Variants in SETBP1 observed in about 807,000 individuals in gnomAD.
The protein encoded by SETBP1 is SET-binding protein.
Under a neutral mutation model 101.0 loss-of-function variants are expected in SETBP1, and 9 were observed. The observed-to-expected ratio is 0.09, with a 90% CI of 0.05 to 0.16. The LOEUF is 0.16. SETBP1 is among the 10% of genes least tolerant of loss of function. The probability of loss-of-function intolerance (pLI) is 1.00; values close to 1 mark genes in which losing one functional copy is unlikely to be tolerated. For synonymous variants in SETBP1, 818 were observed against 788.5 expected (o/e 1.04, Z -0.63); for missense variants, 1,858 against 2,033.8 (o/e 0.91, Z 1.66).
At chr18:44,715,646 T>C (rs1031550850) in intron 2 of SETBP1, among the ~76,000 whole-genome samples, 2 of 152,260 alleles carry the variant, frequency 1.3e-5, no homozygotes, top group Admixed American at 1.3e-4. Flanking sequence ...TCTGAGCCAA[T>C]GGCTATAAAA....
At chr18:44,693,065 C>T (rs1325836058) in intron 1 of SETBP1, among the ~76,000 whole-genome samples, 3 of 149,098 alleles carry the variant, frequency 2.0e-5, no homozygotes, top group African/African-American at 7.4e-5. Flanking sequence ...GTAGAGCTGC[C>T]CTTGCTCTTG....
chr18:44,752,351 C>A (rs1398535690), intron 2 of SETBP1, among the ~76,000 whole-genome samples: 9 of 152,128 alleles, frequency 5.9e-5, no homozygotes, highest in South Asian at 2.1e-4. Flanking sequence ...ACCTAGATAG[C>A]TGTCTGTGGG....
chr18:44,726,799 G>A (rs1445330634), intron 2 of SETBP1, among the ~76,000 whole-genome samples: 3 of 152,148 alleles, frequency 2.0e-5, no homozygotes, highest in Non-Finnish European at 4.4e-5. Context: ...ATTTGTTTTT[G>A]TAATAATACG....
At chr18:44,755,180 A>C (rs1457239855) in intron 2 of SETBP1, among the ~76,000 whole-genome samples, 3 of 152,232 alleles carry the variant, frequency 2.0e-5, no homozygotes, top group Non-Finnish European at 2.9e-5. Context: ...TGTTAGATTA[A>C]AAAATGAGAA....
intron 4 of SETBP1, among the ~76,000 whole-genome samples, chr18:45,035,332 G>A (rs1326143503): frequency 2.0e-5 from 3 of 152,254 alleles, no homozygotes; most frequent in African/African-American, 7.2e-5. Context: ...GTGGTAACTA[G>A]AAAGCCGTAC....
chr18:44,693,360 CA>C (rs2068965259), intron 1 of SETBP1, among the ~76,000 whole-genome samples: 1 of 152,016 alleles, frequency 6.6e-6, no homozygotes. Flanking sequence ...GTGGAGAAGG[CA>C]GAGTTTGAAA....
chr18:44,721,509 C>T (rs906460021), intron 2 of SETBP1, among the ~76,000 whole-genome samples: 1 of 151,650 alleles, frequency 6.6e-6, no homozygotes, highest in African/African-American at 2.4e-5. Context: ...TATTCTTTGC[C>T]ACTCATTTCT....
intron 3 of SETBP1, among the ~76,000 whole-genome samples, chr18:44,929,854 C>G (rs1272440982): frequency 6.6e-6 from 1 of 152,152 alleles, no homozygotes; most frequent in Non-Finnish European, 1.5e-5. Flanking sequence ...ATGGGGTTTT[C>G]TAGATATACA....
At chr18:44,711,688 G>C (rs1166071592) in intron 2 of SETBP1, among the ~76,000 whole-genome samples, 1 of 144,270 alleles carries the variant, frequency 6.9e-6, no homozygotes, top group East Asian at 2.1e-4. Flanking sequence ...ACCACATCTA[G>C]CTGATTTATC....
chr18:44,753,251 CCATGGGTTCAT>C (rs1218324177), intron 2 of SETBP1, among the ~76,000 whole-genome samples: 1 of 152,122 alleles, frequency 6.6e-6, no homozygotes, highest in Non-Finnish European at 1.5e-5. Context: ...TTTGAACCCA[CCATGGGTTCAT>C]CACAGAAGAA....
At chr18:44,682,005 A>G (rs1310444360) in intron 1 of SETBP1, among the ~76,000 whole-genome samples, 1 of 152,046 alleles carries the variant, frequency 6.6e-6, no homozygotes, top group Non-Finnish European at 1.5e-5. Context: ...GTTTAGTTGG[A>G]GTCCACTGGC....
At chr18:44,774,903 GTT>G (rs199570045) in intron 2 of SETBP1, among the ~76,000 whole-genome samples, 3 of 142,742 alleles carry the variant, frequency 2.1e-5, no homozygotes, top group Non-Finnish European at 3.1e-5. Context: ...TTTACTTGGT[GTT>G]TTTTTTTTTT....
rs1303281440 is a variant in SETBP1, at chr18:45,029,953, C to T, written c.4001-8532C>T. Among the ~76,000 whole-genome samples, 5 of 150,590 alleles carry T rather than the reference C, an allele frequency of 3.3e-5. No homozygotes were observed. The East Asian group carries it at 9.8e-4, about 30-fold the overall frequency. Reference sequence around the variant, plus strand: ...TCTAGATATACAATCATGTCATCTGCAAACAGGGACAATTTGACTTCCTCT... The same window carrying T: ...TCTAGATATACAATCATGTCATCTGTAAACAGGGACAATTTGACTTCCTCT... On this transcript the variant is annotated intron_variant, in intron 4 of 5. Coordinates refer to ENST00000649279, the MANE Select transcript of SETBP1 (RefSeq NM_015559.3).
intron 2 of SETBP1, among the ~76,000 whole-genome samples, chr18:44,712,004 A>G (rs529170742): frequency 7.7e-4 from 117 of 151,380 alleles, no homozygotes; most frequent in African/African-American, 2.7e-3. Flanking sequence ...AACTTCCCTC[A>G]CCTCCCCACC....
chr18:45,056,570 G>C (rs921179471), intron 5 of SETBP1, among the ~76,000 whole-genome samples: 1 of 152,248 alleles, frequency 6.6e-6, no homozygotes, highest in Non-Finnish European at 1.5e-5. Flanking sequence ...TTCCTCTGGA[G>C]GGAATGTGCA....
chr18:45,053,262 C>T (rs1013812265), intron 5 of SETBP1, among the ~76,000 whole-genome samples: 2 of 152,060 alleles, frequency 1.3e-5, no homozygotes, highest in African/African-American at 2.4e-5. Context: ...CAATTCTAGG[C>T]ACTAAAATCT....
At chr18:44,762,301 G>GTATTACCCTAGGCCCTGAGTTCTTAA in intron 2 of SETBP1, among the ~76,000 whole-genome samples, 1 of 152,130 alleles carries the variant, frequency 6.6e-6, no homozygotes, top group South Asian at 2.1e-4. Flanking sequence ...CCTGTTCTTG[G>GTATTACCCTAGGCCCTGAGTTCTTAA]TATTACCCTA....
chr18:44,991,656 T>C (rs2072381091), intron 4 of SETBP1, among the ~76,000 whole-genome samples: 1 of 152,162 alleles, frequency 6.6e-6, no homozygotes, highest in African/African-American at 2.4e-5. Context: ...AAAGTAAAGA[T>C]GACAAAGGAG....
At chr18:44,982,542 C>G (rs2072138185) in intron 4 of SETBP1, among the ~76,000 whole-genome samples, 1 of 152,168 alleles carries the variant, frequency 6.6e-6, no homozygotes, top group Non-Finnish European at 1.5e-5. Flanking sequence ...CAAGCAAGAG[C>G]ATAGCTTTTT....
Sources: allele counts gnomAD v4.1 joint callset (sites outside exome capture counted in the v4.1 genomes callset), GRCh38; gene constraint gnomAD v4.1.1; transcripts MANE v1.5; gene names NCBI Gene and HGNC (gene_info 2026-07-23, HGNC 2026-07-21).